LUZP1: variants seen among roughly 807,000 people sequenced by gnomAD.
LUZP1 encodes the protein leucine zipper protein 1, also known as filamin mechanobinding actin cross-linking protein.
In LUZP1, 25 loss-of-function variants were observed where a neutral mutation model predicts 71.3. That is an observed-to-expected ratio of 0.35 (90% CI 0.26 to 0.49). The LOEUF (loss-of-function observed/expected upper bound fraction) is 0.49, where lower values mean the gene tolerates loss of function less well. LUZP1 is among the 20% of genes least tolerant of loss of function. LUZP1 has a pLI of 0.99. For synonymous variants in LUZP1, 481 were observed against 506.4 expected (o/e 0.95, Z 0.67); for missense variants, 1,142 against 1,300.8 (o/e 0.88, Z 1.88).
At position 23,117,476 on chromosome 1, in the gene LUZP1, T is replaced by C. The variant is rs866340330; in HGVS notation, c.-225-8349A>G. Among the ~76,000 whole-genome samples the C allele has an allele frequency of 6.0e-4, 24 of 39,684 alleles. 1 individual carries two copies. Among genetic ancestry groups the C allele is most frequent in the African/African-American group, 9.2e-4 (6 of 6,506 alleles). 26.0% of individuals were successfully genotyped at this position (39,684 alleles called of 152,430 possible). A position where few individuals can be genotyped will look rare whatever the true frequency, so the allele number is the denominator to read the frequency against. ...TTTCCTCTCTCTCTCTCTCTCTCTC[T>C]CCCCCCCCCCCCCCCACAATCAGGA... On this transcript the variant is annotated intron_variant, in intron 2 of 4. Transcript: ENST00000302291.
chr1:23,110,082 C>T (rs964172706), intron 2 of LUZP1, among the ~76,000 whole-genome samples: 2 of 152,148 alleles, frequency 1.3e-5, no homozygotes, highest in Non-Finnish European at 2.9e-5. Flanking sequence ...GTGACTTGTC[C>T]AAGGTCTTAC....
intron 2 of LUZP1, among the ~76,000 whole-genome samples, chr1:23,128,396 T>G (rs1055201328): frequency 2.0e-5 from 3 of 152,158 alleles, no homozygotes; most frequent in Non-Finnish European, 4.4e-5. Flanking sequence ...AAGAGATAAA[T>G]GTACTTGCCT....
At chr1:23,120,111 T>G (rs1644118643) in intron 2 of LUZP1, among the ~76,000 whole-genome samples, 1 of 151,930 alleles carries the variant, frequency 6.6e-6, no homozygotes, top group Admixed American at 6.6e-5. Context: ...ACAAGCTAAG[T>G]TTTGTAAGTT....
At chr1:23,155,578 G>A (rs751980748) in intron 2 of LUZP1, among the ~76,000 whole-genome samples, 1 of 152,190 alleles carries the variant, frequency 6.6e-6, no homozygotes. Context: ...CTTAAGTACT[G>A]TAGCTGTCAT....
At chr1:23,102,629 T>G (rs1208932) in intron 3 of LUZP1, among the ~76,000 whole-genome samples, 72,855 of 151,920 alleles carry the variant, frequency 0.48, 18,170 homozygotes, top group East Asian at 0.56. Context: ...CAGAAGTGAA[T>G]GAACATAACT....
chr1:23,091,065 G>C, intron 4 of LUZP1, 125 bp downstream of exon 3: 2 of 1,050,196 alleles, frequency 1.9e-6, no homozygotes, highest in Admixed American at 4.2e-5. Context: ...AGTTCTCTAA[G>C]GAACCCAGTT....
At chr1:23,136,010 A>T (rs1174191419) in intron 2 of LUZP1, among the ~76,000 whole-genome samples, 1 of 152,156 alleles carries the variant, frequency 6.6e-6, no homozygotes, top group Admixed American at 6.6e-5. Flanking sequence ...TTAATTATAC[A>T]ACCTGACCCA....
At chr1:23,142,397 GT>G (rs1402088309) in intron 2 of LUZP1, among the ~76,000 whole-genome samples, 1 of 151,998 alleles carries the variant, frequency 6.6e-6, no homozygotes, top group Non-Finnish European at 1.5e-5. Flanking sequence ...TTCTCTTTTT[GT>G]AATGGTTCTT....
At chr1:23,146,266 T>A (rs1319256593) in intron 2 of LUZP1, among the ~76,000 whole-genome samples, 1 of 152,190 alleles carries the variant, frequency 6.6e-6, no homozygotes, top group African/African-American at 2.4e-5. Flanking sequence ...TCTGCCTGCC[T>A]CAGACACCCA....
exon 5 of LUZP1, chr1:23,088,516 C>A (rs1463967566): frequency 3.4e-5 from 6 of 178,658 alleles, no homozygotes; most frequent in Non-Finnish European, 5.9e-5. Flanking sequence ...ATTAACCACA[C>A]AGACAGAGGC....
intron 2 of LUZP1, among the ~76,000 whole-genome samples, chr1:23,130,011 TCCTTAATGCATCACTCAAAGC>T (rs1172230556): frequency 4.6e-5 from 7 of 152,334 alleles, no homozygotes; most frequent in Admixed American, 2.0e-4. Flanking sequence ...TAGTCTAAAT[TCCTTAATGCATCACTCAAAGC>T]CCTGGCAAGC....
intron 4 of LUZP1, 181 bp downstream of exon 3, chr1:23,091,008 CA>C: frequency 1.3e-6 from 1 of 749,758 alleles, no homozygotes. Flanking sequence ...GTGATGCTGC[CA>C]AAAACCTTCT....
At chr1:23,119,794 T>A (rs1188727870) in intron 2 of LUZP1, among the ~76,000 whole-genome samples, 1 of 152,208 alleles carries the variant, frequency 6.6e-6, no homozygotes, top group Non-Finnish European at 1.5e-5. Context: ...TGCCTATACT[T>A]ACGAAGACTC....
chr1:23,099,920 T>A (rs1643918013), intron 3 of LUZP1, among the ~76,000 whole-genome samples: 1 of 152,182 alleles, frequency 6.6e-6, no homozygotes, highest in South Asian at 2.1e-4. Flanking sequence ...ATCTACATCC[T>A]CGCCCTCCCT....
chr1:23,114,809 T>C (rs1440670273), intron 2 of LUZP1, among the ~76,000 whole-genome samples: 1 of 152,212 alleles, frequency 6.6e-6, no homozygotes, highest in Admixed American at 6.5e-5. Context: ...CGGCCTCTAG[T>C]TCTACCACAG....
intron 3 of LUZP1, among the ~76,000 whole-genome samples, chr1:23,106,548 T>C (rs1360163585): frequency 6.6e-6 from 1 of 151,992 alleles, no homozygotes; most frequent in African/African-American, 2.4e-5. Context: ...GAAGCTACAA[T>C]GAGCTGAGAT....
At chr1:23,130,525 C>CTTTTTT (rs748312616) in intron 2 of LUZP1, among the ~76,000 whole-genome samples, 8 of 117,214 alleles carry the variant, frequency 6.8e-5, no homozygotes, top group Admixed American at 9.3e-5. Flanking sequence ...TAACAGTTAT[C>CTTTTTT]TTTTTTTTTT....
exon 4 of LUZP1, chr1:23,092,749 C>T (rs1643869517): frequency 6.2e-7 from 1 of 1,614,062 alleles, no homozygotes; most frequent in Non-Finnish European, 8.5e-7. Flanking sequence ...GTTGTCTTCT[C>T]CACTTTTCCC....
chr1:23,129,106 T>C, intron 2 of LUZP1, among the ~76,000 whole-genome samples: 1 of 152,360 alleles, frequency 6.6e-6, no homozygotes, highest in South Asian at 2.1e-4. Context: ...TAAAATATTT[T>C]TAAAGCCAGT....
Sources: allele counts gnomAD v4.1 joint callset (sites outside exome capture counted in the v4.1 genomes callset), GRCh38; gene constraint gnomAD v4.1.1; transcripts MANE v1.5; gene names NCBI Gene and HGNC (gene_info 2026-07-23, HGNC 2026-07-21).